The following GPHN variants were observed in gnomAD, a reference collection of about 807,000 sequenced individuals.
The protein encoded by GPHN is gephyrin.
In GPHN, 17 loss-of-function variants were observed where a neutral mutation model predicts 95.5. The observed-to-expected ratio is 0.18, with a 90% CI of 0.12 to 0.27. The LOEUF (loss-of-function observed/expected upper bound fraction) is 0.27, where lower values mean the gene tolerates loss of function less well. Ranked by LOEUF, GPHN falls within the 10% of genes least tolerant of loss-of-function variation. GPHN has a pLI of 1.00. For synonymous variants in GPHN, 320 were observed against 322.5 expected, an observed-to-expected ratio of 0.99 and a Z score of 0.08; for missense variants, 660 against 978.1, an observed-to-expected ratio of 0.67 and a Z score of 4.34.
chr14:66,939,017 A>G (rs549253212), intron 8 of GPHN, among the ~76,000 whole-genome samples: 1 of 152,342 alleles, frequency 6.6e-6, no homozygotes, highest in East Asian at 1.9e-4. Flanking sequence ...TTGAACTTTT[A>G]TCTAACACCA....
At chr14:66,686,859 C>T (rs1312520878) in intron 2 of GPHN, among the ~76,000 whole-genome samples, 4 of 152,064 alleles carry the variant, frequency 2.6e-5, no homozygotes, top group South Asian at 4.2e-4. Context: ...CCAGTTTTTG[C>T]CCATTCAGTA....
chr14:67,131,338 C>T (rs2079694490), intron 17 of GPHN, among the ~76,000 whole-genome samples: 1 of 152,016 alleles, frequency 6.6e-6, no homozygotes, highest in Admixed American at 6.6e-5. Flanking sequence ...AGATAAGCTC[C>T]ATGAATACTA....
At chr14:66,697,063 T>A (rs373473391) in intron 2 of GPHN, among the ~76,000 whole-genome samples, 3 of 152,202 alleles carry the variant, frequency 2.0e-5, no homozygotes, top group African/African-American at 7.2e-5. Context: ...ACACTAATAT[T>A]TTACATTTGA....
At chr14:66,578,173 C>T (rs148593071) in intron 1 of GPHN, among the ~76,000 whole-genome samples, 1 of 150,928 alleles carries the variant, frequency 6.6e-6, no homozygotes, top group Admixed American at 6.6e-5. Flanking sequence ...ATGGCTGAAC[C>T]GAAGATATCT....
rs75704781 is a variant in GPHN, at chr14:66,721,068, G to A, written c.143+39883G>A. Among the ~76,000 whole-genome samples the A allele has an allele frequency of 7.3e-3, 1,105 of 152,190 alleles. 5 individuals are homozygous for A. The highest frequency in any genetic ancestry group is 0.025 in the African/African-American group (1,055 of 41,502). ...GTCTTATTCTGCTGTATCTTGGCTT[G>A]GCAATTTTATGAGCTCATCAGTTGC... On this transcript the variant is annotated intron_variant, in intron 2 of 22. Coordinates refer to ENST00000478722, the MANE Select transcript of GPHN (RefSeq NM_020806.5).
At chr14:67,319,590 A>G in the GPHN span, among the ~76,000 whole-genome samples, 1 of 150,046 alleles carries the variant, frequency 6.7e-6, no homozygotes, top group Non-Finnish European at 1.5e-5. Flanking sequence ...TACACTTAAC[A>G]CTAGAGATAG....
chr14:67,333,103 AGAC>A, the GPHN span: 2 of 651,510 alleles, frequency 3.1e-6, no homozygotes, highest in Non-Finnish European at 5.0e-6. Flanking sequence ...TGAATTAGTG[AGAC>A]GACAGTTCCC....
the GPHN span, among the ~76,000 whole-genome samples, chr14:67,731,207 C>CTTTTTTTTTTTTTTTTTTTTTTTT: frequency 1.1e-5 from 1 of 90,622 alleles, no homozygotes; most frequent in African/African-American, 4.9e-5. Flanking sequence ...TTCTTTCTTT[C>CTTTTTTTTTTTTTTTTTTTTTTTT]TTTTTTTTTT....
chr14:66,602,701 G>A (rs1037814766), intron 1 of GPHN, among the ~76,000 whole-genome samples: 4 of 151,760 alleles, frequency 2.6e-5, no homozygotes, highest in Non-Finnish European at 5.9e-5. Flanking sequence ...TAGGTAGTAG[G>A]GAAAATTCAA....
chr14:67,556,956 C>T, the GPHN span, among the ~76,000 whole-genome samples: 1 of 152,178 alleles, frequency 6.6e-6, no homozygotes. Flanking sequence ...ACTCATTCCT[C>T]CTGGGATCCA....
At chr14:66,522,831 A>G (rs536508747) in intron 1 of GPHN, among the ~76,000 whole-genome samples, 1 of 151,382 alleles carries the variant, frequency 6.6e-6, no homozygotes, top group Non-Finnish European at 1.5e-5. Flanking sequence ...TTGACTGAAT[A>G]TATTCTTATT....
the GPHN span, chr14:67,269,999 A>G: frequency 6.6e-6 from 1 of 152,184 alleles, no homozygotes. Context: ...TGTAGACTGA[A>G]CATGTTTATG....
chr14:67,094,984 A>G (rs1009026958), intron 12 of GPHN, among the ~76,000 whole-genome samples: 2 of 152,238 alleles, frequency 1.3e-5, no homozygotes, highest in African/African-American at 2.4e-5. Flanking sequence ...ATAATAGGCT[A>G]TACCATCTAG....
At chr14:67,194,402 C>T in the GPHN span, among the ~76,000 whole-genome samples, 1 of 151,738 alleles carries the variant, frequency 6.6e-6, no homozygotes, top group African/African-American at 2.4e-5. Context: ...AGTTAATGTA[C>T]TTTACCATTG....
At chr14:66,815,915 C>G (rs183197700) in intron 3 of GPHN, among the ~76,000 whole-genome samples, 3 of 152,160 alleles carry the variant, frequency 2.0e-5, no homozygotes, top group African/African-American at 7.2e-5. Flanking sequence ...AGAGACCCAT[C>G]TCACATATAC....
chr14:67,412,739 T>G, the GPHN span, among the ~76,000 whole-genome samples: 8 of 152,186 alleles, frequency 5.3e-5, no homozygotes, highest in Admixed American at 2.6e-4. Flanking sequence ...AAATTATATA[T>G]AGAGAGAGAT....
intron 11 of GPHN, among the ~76,000 whole-genome samples, chr14:67,073,974 A>G (rs1005289146): frequency 2.6e-5 from 4 of 152,284 alleles, no homozygotes; most frequent in Admixed American, 1.3e-4. Flanking sequence ...ACGAATATAT[A>G]AAGCCTGTAA....
chr14:67,661,299 A>AAT, the GPHN span, among the ~76,000 whole-genome samples: 3 of 129,916 alleles, frequency 2.3e-5, no homozygotes, highest in Admixed American at 8.1e-5. Flanking sequence ...AAAAAAAAAA[A>AAT]GTTTTTTTTT....
At chr14:66,875,885 G>A (rs1596241624) in intron 4 of GPHN, among the ~76,000 whole-genome samples, 1 of 152,194 alleles carries the variant, frequency 6.6e-6, no homozygotes, top group South Asian at 2.1e-4. Context: ...CTTACACTCA[G>A]CTCTGGACCA....
Sources: allele counts gnomAD v4.1 joint callset (sites outside exome capture counted in the v4.1 genomes callset), GRCh38; gene constraint gnomAD v4.1.1; transcripts MANE v1.5; gene names NCBI Gene and HGNC (gene_info 2026-07-23, HGNC 2026-07-21).